The following GPC6 variants were observed in gnomAD, a reference collection of about 807,000 sequenced individuals.
GPC6 encodes glypican-6.
GPC6 carries 14 observed loss-of-function variants against 55.2 expected under a neutral mutation model. The observed-to-expected ratio is 0.25, with a 90% CI of 0.17 to 0.40. The LOEUF is 0.40. Ranked by LOEUF, GPC6 falls within the 10% of genes least tolerant of loss-of-function variation. The pLI, the probability that GPC6 is intolerant of heterozygous loss-of-function variation, is 1.00. For missense variants in GPC6, 641 were observed against 708.5 expected (o/e 0.90, Z 1.08); for synonymous variants, 278 against 259.6 (o/e 1.07, Z -0.68).
At chr13:93,475,973 T>TA (rs1206551642) in intron 1 of GPC6, among the ~76,000 whole-genome samples, 4 of 152,126 alleles carry the variant, frequency 2.6e-5, no homozygotes, top group Admixed American at 2.6e-4. Flanking sequence ...TTTTTTTTTT[T>TA]ATGAGAGAGT....
intron 4 of GPC6, among the ~76,000 whole-genome samples, chr13:94,284,028 C>T (rs1173070725): frequency 6.6e-6 from 1 of 152,164 alleles, no homozygotes; most frequent in African/African-American, 2.4e-5. Flanking sequence ...GTGTCATGTC[C>T]TAAGGCATGG....
chr13:93,782,311 A>G (rs1189823194), intron 2 of GPC6, among the ~76,000 whole-genome samples: 2 of 151,924 alleles, frequency 1.3e-5, no homozygotes, highest in Non-Finnish European at 2.9e-5. Context: ...TATATATCAC[A>G]TTTTCCTTAT....
intron 3 of GPC6, among the ~76,000 whole-genome samples, chr13:93,851,109 A>G (rs1052672901): frequency 6.6e-6 from 1 of 151,944 alleles, no homozygotes; most frequent in Admixed American, 6.6e-5. Flanking sequence ...TACTTTTATA[A>G]TAACAGGACT....
chr13:94,203,313 A>G (rs1889811024), intron 4 of GPC6, among the ~76,000 whole-genome samples: 1 of 151,760 alleles, frequency 6.6e-6, no homozygotes, highest in African/African-American at 2.4e-5. Flanking sequence ...CTGTAAAATC[A>G]AAGAAAATAA....
intron 2 of GPC6, among the ~76,000 whole-genome samples, chr13:93,736,886 G>A (rs1046347087): frequency 6.6e-6 from 1 of 152,096 alleles, no homozygotes; most frequent in Non-Finnish European, 1.5e-5. Flanking sequence ...GAGTCCAATA[G>A]CATGAGAAAT....
intron 1 of GPC6, among the ~76,000 whole-genome samples, chr13:93,426,468 T>C (rs890537211): frequency 1.3e-4 from 11 of 81,604 alleles, no homozygotes; most frequent in African/African-American, 3.6e-4. Flanking sequence ...TTCCCACCTA[T>C]GAGTGAGAAT....
intron 2 of GPC6, among the ~76,000 whole-genome samples, chr13:93,691,483 T>TTG (rs1171475906): frequency 6.6e-6 from 1 of 151,642 alleles, no homozygotes; most frequent in Non-Finnish European, 1.5e-5. Flanking sequence ...GCCATGGTTT[T>TTG]TTTTTTTCTC....
chr13:94,126,914 T>C (rs1032111037), intron 4 of GPC6, among the ~76,000 whole-genome samples: 4 of 152,158 alleles, frequency 2.6e-5, no homozygotes, highest in Non-Finnish European at 5.9e-5. Context: ...TTACAGTATT[T>C]TATAGAAATG....
chr13:93,868,434 AAAT>A (rs1388387575), intron 3 of GPC6, among the ~76,000 whole-genome samples: 2 of 151,856 alleles, frequency 1.3e-5, no homozygotes, highest in Non-Finnish European at 2.9e-5. Flanking sequence ...TAAAATTATA[AAAT>A]AATAAGTTAA....
chr13:94,061,668 G>C (rs551133368), intron 4 of GPC6, among the ~76,000 whole-genome samples: 1 of 151,750 alleles, frequency 6.6e-6, no homozygotes, highest in East Asian at 1.9e-4. Context: ...TTGACTCATG[G>C]GAGGTGAAAT....
chr13:93,245,086 G>A (rs1360470877), intron 1 of GPC6, among the ~76,000 whole-genome samples: 1 of 152,160 alleles, frequency 6.6e-6, no homozygotes, highest in African/African-American at 2.4e-5. Context: ...AACTGATTAG[G>A]TATTAACAAC....
At chr13:94,049,994 T>G (rs1883883835) in intron 4 of GPC6, among the ~76,000 whole-genome samples, 2 of 152,154 alleles carry the variant, frequency 1.3e-5, no homozygotes, top group Non-Finnish European at 2.9e-5. Context: ...TCTCATTCTC[T>G]CTTGTCTGCT....
chr13:93,943,506 G>T (rs1054958795), intron 3 of GPC6, among the ~76,000 whole-genome samples: 2 of 152,058 alleles, frequency 1.3e-5, no homozygotes, highest in African/African-American at 4.8e-5. Flanking sequence ...ATTGGCTGAG[G>T]TCTCATTGCA....
intron 6 of GPC6, among the ~76,000 whole-genome samples, chr13:94,355,917 C>T (rs1878770756): frequency 6.6e-6 from 1 of 152,160 alleles, no homozygotes; most frequent in South Asian, 2.1e-4. Context: ...AGCTATTTAT[C>T]CTGATGCTCT....
intron 6 of GPC6, among the ~76,000 whole-genome samples, chr13:94,359,033 C>T (rs1325665709): frequency 6.6e-6 from 1 of 152,100 alleles, no homozygotes; most frequent in Non-Finnish European, 1.5e-5. Context: ...TTCCTCTCGA[C>T]CATATAAATA....
intron 4 of GPC6, among the ~76,000 whole-genome samples, chr13:94,178,299 T>C (rs12877264): frequency 0.14 from 20,823 of 152,196 alleles, 1,894 homozygotes; most frequent in Middle Eastern, 0.24. Context: ...ACCCGGCTGG[T>C]CTTTAAATAT....
intron 1 of GPC6, among the ~76,000 whole-genome samples, chr13:93,343,144 C>T (rs898656668): frequency 6.6e-6 from 1 of 151,394 alleles, no homozygotes; most frequent in Non-Finnish European, 1.5e-5. Flanking sequence ...CACCACTGGC[C>T]AGCATTTAAC....
chr13:93,912,108 G>C (rs1343592822), intron 3 of GPC6, among the ~76,000 whole-genome samples: 1 of 152,144 alleles, frequency 6.6e-6, no homozygotes, highest in African/African-American at 2.4e-5. Flanking sequence ...AATTACAATG[G>C]GATCCATTCT....
Position 94,146,212 on chromosome 13 carries a change from A to G in GPC6, c.877+118318A>G, listed in dbSNP as rs551422868. Among the ~76,000 whole-genome samples the G allele has an allele frequency of 1.5e-4, 23 of 152,230 alleles. No individual in the cohort carries two copies. In the South Asian group the frequency reaches 3.1e-3, roughly 21 times the overall value. On this transcript the variant is annotated intron_variant, in intron 4 of 8. Transcript: ENST00000377047. ...TCATGTTATCCACCTTTGTATCCTG[A>G]ACACTCAGCAGGGTGCCTGGTGCAT...
Sources: gnomAD v4.1 joint callset for allele counts (sites outside exome capture counted in the v4.1 genomes callset) on GRCh38, gnomAD v4.1.1 for gene constraint, MANE v1.5 for transcripts, NCBI Gene and HGNC (gene_info 2026-07-23, HGNC 2026-07-21) for gene names.